CIAO2A: variants seen among roughly 807,000 people sequenced by gnomAD.
The protein encoded by CIAO2A is cytosolic iron-sulfur assembly component 2A, also known as MIP18 family protein FAM96A.
CIAO2A carries 17 observed loss-of-function variants against 22.4 expected under a neutral mutation model. The ratio of observed to expected loss-of-function variants is 0.76; its 90% confidence interval spans 0.52 to 1.14. The LOEUF (loss-of-function observed/expected upper bound fraction) is 1.14. Among genes scored for constraint, CIAO2A ranks in the 50% most tolerant of loss-of-function variants. CIAO2A has a pLI of 0.00. For missense variants in CIAO2A, 192 were observed against 191.4 expected (o/e 1.00, Z -0.02); for synonymous variants, 74 against 72.3 (o/e 1.02, Z -0.12).
At position 64,080,446 on chromosome 15, in the gene CIAO2A, G is replaced by T. The variant is rs189801869; in HGVS notation, c.339+656C>A. Among the ~76,000 whole-genome samples, 19 of 152,014 alleles carry T rather than the reference G, an allele frequency of 1.2e-4. No homozygotes were observed. The East Asian group carries it at 3.5e-3, about 28-fold the overall frequency. On this transcript the variant is annotated intron_variant, in intron 3 of 4. Coordinates refer to ENST00000300030, the MANE Select transcript of CIAO2A (RefSeq NM_032231.7). ...GCCTGTAATCCCAGCACTTTGAGAG[G>T]CCGAGGCGGGTGGATCATGAGGTCA...
intron 1 of CIAO2A, among the ~76,000 whole-genome samples, chr15:64,090,924 C>T (rs148726802): frequency 7.8e-4 from 119 of 152,150 alleles, no homozygotes; most frequent in African/African-American, 2.7e-3. Flanking sequence ...TTAGAAGTCT[C>T]AGTTGGCCTT....
intron 3 of CIAO2A, among the ~76,000 whole-genome samples, chr15:64,077,444 T>C (rs1383101782): frequency 6.6e-6 from 1 of 152,180 alleles, no homozygotes; most frequent in Non-Finnish European, 1.5e-5. Context: ...CTAAAAGTGA[T>C]AAAGGGGAAA....
chr15:64,076,765 C>A (rs905425532), intron 3 of CIAO2A, among the ~76,000 whole-genome samples: 1 of 149,486 alleles, frequency 6.7e-6, no homozygotes, highest in Non-Finnish European at 1.5e-5. Flanking sequence ...TACTCTGTCG[C>A]CTAGGCTGGA....
chr15:64,093,255 G>A (rs1200870916), intron 1 of CIAO2A, among the ~76,000 whole-genome samples: 2 of 152,192 alleles, frequency 1.3e-5, no homozygotes, highest in Non-Finnish European at 2.9e-5. Flanking sequence ...GCGTGTCCAG[G>A]AGCTAGAGAA....
intron 2 of CIAO2A, among the ~76,000 whole-genome samples, chr15:64,086,595 T>C (rs1043790554): frequency 2.1e-5 from 3 of 146,222 alleles, no homozygotes; most frequent in Admixed American, 7.2e-5. Flanking sequence ...CATTCAGTAA[T>C]GCTTTTTCTA....
At chr15:64,073,295 A>G (rs2080688794) in intron 4 of CIAO2A, among the ~76,000 whole-genome samples, 1 of 152,194 alleles carries the variant, frequency 6.6e-6, no homozygotes, top group Non-Finnish European at 1.5e-5. Flanking sequence ...ATTCAGAGTA[A>G]ATATAATTTT....
intron 1 of CIAO2A, among the ~76,000 whole-genome samples, chr15:64,090,841 G>A (rs2080834882): frequency 1.3e-5 from 2 of 152,214 alleles, no homozygotes; most frequent in Non-Finnish European, 1.5e-5. Context: ...CAACTTTGAG[G>A]AGAGAAATTG....
intron 2 of CIAO2A, among the ~76,000 whole-genome samples, chr15:64,082,345 C>T (rs1256294073): frequency 6.6e-6 from 1 of 152,140 alleles, no homozygotes; most frequent in Non-Finnish European, 1.5e-5. Flanking sequence ...TCTCCTGTCT[C>T]GGCCTCCTGA....
intron 3 of CIAO2A, among the ~76,000 whole-genome samples, chr15:64,078,271 C>T (rs1043114698): frequency 6.6e-6 from 1 of 152,088 alleles, no homozygotes; most frequent in East Asian, 1.9e-4. Context: ...ATTTATTGAG[C>T]TCCAAATATG....
intron 1 of CIAO2A, among the ~76,000 whole-genome samples, chr15:64,091,584 G>C (rs1235347907): frequency 6.6e-6 from 1 of 152,104 alleles, no homozygotes; most frequent in Non-Finnish European, 1.5e-5. Context: ...ATGGGACTTA[G>C]GGAAACAGAG....
At chr15:64,091,859 G>C (rs1487322590) in intron 1 of CIAO2A, among the ~76,000 whole-genome samples, 3 of 151,976 alleles carry the variant, frequency 2.0e-5, no homozygotes, top group Non-Finnish European at 4.4e-5. Context: ...AGGAGTCCAA[G>C]ACCAGCCTGG....
chr15:64,082,924 G>A (rs955755823), intron 2 of CIAO2A, among the ~76,000 whole-genome samples: 1 of 152,056 alleles, frequency 6.6e-6, no homozygotes, highest in Admixed American at 6.6e-5. Flanking sequence ...AGTATCAGCT[G>A]GGCAAGGTGG....
chr15:64,078,309 T>C (rs2080733649), intron 3 of CIAO2A, among the ~76,000 whole-genome samples: 1 of 152,130 alleles, frequency 6.6e-6, no homozygotes, highest in African/African-American at 2.4e-5. Context: ...AACACAGAGA[T>C]GTATCATATA....
At chr15:64,073,324 C>A (rs1447521278) in intron 4 of CIAO2A, among the ~76,000 whole-genome samples, 1 of 151,748 alleles carries the variant, frequency 6.6e-6, no homozygotes, top group Non-Finnish European at 1.5e-5. Context: ...CTATTTTTTC[C>A]CCCATAAGCC....
chr15:64,077,252 T>C (rs1264460016), intron 3 of CIAO2A, among the ~76,000 whole-genome samples: 3 of 152,116 alleles, frequency 2.0e-5, no homozygotes, highest in African/African-American at 7.2e-5. Flanking sequence ...GAGCTGAGAC[T>C]GCGCCACTGC....
intron 1 of CIAO2A, among the ~76,000 whole-genome samples, chr15:64,090,564 C>G (rs1312453920): frequency 1.3e-5 from 2 of 152,130 alleles, no homozygotes; most frequent in Non-Finnish European, 2.9e-5. Context: ...GCAAAAAGAA[C>G]TAGAGGAGGG....
rs138828399 is a variant in CIAO2A, at chr15:64,088,742, C to G, written c.234G>C (p.Leu78=). 1.2e-6 allele frequency: 2 copies of G among 1,613,748 alleles called. No individual in the cohort carries two copies. The highest frequency in any genetic ancestry group is 1.7e-5 in the Admixed American group (1 of 59,956). ...EVQEINEEEY[L]VIIRFTPTVP... ...CTGTTGGCGTGAACCTGATAATAACCAGATATTCTTCTTCATTTATCTCCT... is the reference window on the plus strand; with the variant it reads ...CTGTTGGCGTGAACCTGATAATAACGAGATATTCTTCTTCATTTATCTCCT... Residue 78 remains leucine (L), a synonymous_variant, in exon 2 of 5, where the codon CTG becomes CTC. Transcript: ENST00000300030.
At chr15:64,084,545 G>A (rs1438188255) in intron 2 of CIAO2A, among the ~76,000 whole-genome samples, 1 of 151,946 alleles carries the variant, frequency 6.6e-6, no homozygotes, top group Non-Finnish European at 1.5e-5. Context: ...CAAGGCAGGC[G>A]GATCACCTGA....
chr15:64,075,575 A>T (rs770228800), intron 3 of CIAO2A, 38 bp from the exon 4 acceptor site: 1 of 1,390,934 alleles, frequency 7.2e-7, no homozygotes, highest in Non-Finnish European at 1.0e-6. Context: ...AAAAACATTA[A>T]TGCATTCTAA....
Sources: gnomAD v4.1 joint callset for allele counts (sites outside exome capture counted in the v4.1 genomes callset) on GRCh38, gnomAD v4.1.1 for gene constraint, MANE v1.5 for transcripts, NCBI Gene and HGNC (gene_info 2026-07-23, HGNC 2026-07-21) for gene names.